ANTXR1: variants seen among roughly 807,000 people sequenced by gnomAD.
ANTXR1 encodes the protein ANTXR cell adhesion molecule 1.
A neutral mutation model predicts 78.1 loss-of-function variants in ANTXR1; 19 were observed. The ratio of observed to expected loss-of-function variants is 0.24; its 90% CI spans 0.17 to 0.36. The LOEUF (loss-of-function observed/expected upper bound fraction) is 0.36, where lower values mean the gene tolerates loss of function less well. Among genes scored for constraint, ANTXR1 ranks in the 10% least tolerant of loss-of-function variants. The pLI is 1.00. For missense variants in ANTXR1, 518 were observed against 718.6 expected, an observed-to-expected ratio of 0.72 and a Z score of 3.19; for synonymous variants, 273 against 260.5, an observed-to-expected ratio of 1.05 and a Z score of -0.46.
chr2:69,204,675 A>G (rs1472806363), intron 17 of ANTXR1, among the ~76,000 whole-genome samples: 1 of 152,172 alleles, frequency 6.6e-6, no homozygotes, highest in Non-Finnish European at 1.5e-5. Flanking sequence ...ACCCCAGGCC[A>G]TGAGAGGAGG....
At chr2:69,143,319 G>A (rs1018504101) in intron 12 of ANTXR1, among the ~76,000 whole-genome samples, 1 of 152,216 alleles carries the variant, frequency 6.6e-6, no homozygotes, top group Non-Finnish European at 1.5e-5. Flanking sequence ...GATGGCACGT[G>A]TCATATTGGG....
At chr2:69,027,536 A>G (rs1671380374) in intron 1 of ANTXR1, among the ~76,000 whole-genome samples, 1 of 152,198 alleles carries the variant, frequency 6.6e-6, no homozygotes, top group African/African-American at 2.4e-5. Context: ...ATGGAACAAC[A>G]ACATGATCTT....
At chr2:69,158,750 C>A (rs1460680893) in intron 13 of ANTXR1, among the ~76,000 whole-genome samples, 3 of 152,196 alleles carry the variant, frequency 2.0e-5, no homozygotes, top group Admixed American at 2.0e-4. Context: ...TGTCAGTGTT[C>A]TGTGAGCACA....
intron 17 of ANTXR1, among the ~76,000 whole-genome samples, chr2:69,210,762 C>G (rs1383014600): frequency 6.6e-6 from 1 of 151,940 alleles, no homozygotes; most frequent in African/African-American, 2.4e-5. Flanking sequence ...ATGGCGAAAC[C>G]CCGTCTCTAA....
intron 17 of ANTXR1, among the ~76,000 whole-genome samples, chr2:69,211,391 C>T (rs1044321536): frequency 6.6e-6 from 1 of 152,208 alleles, no homozygotes; most frequent in African/African-American, 2.4e-5. Flanking sequence ...AGGTGTTGGG[C>T]ACATCTGTGT....
intron 17 of ANTXR1, among the ~76,000 whole-genome samples, chr2:69,229,517 A>G (rs1242187416): frequency 2.0e-5 from 3 of 152,226 alleles, no homozygotes. Context: ...TTCTGGCACC[A>G]ATATTTAAAG....
Position 69,185,244 on chromosome 2 carries a change from TAAG to T in ANTXR1, c.1353+2588_1353+2590del, listed in dbSNP as rs1289728169. On this transcript the variant is annotated intron_variant, in intron 16 of 17. Transcript: ENST00000303714. ...CCATCTGGGTTTTAACAAGCTGAGT[TAAG>T]AAGTTGTCACCAGCTGGGCGCAGTG... 3.3e-5 allele frequency among the ~76,000 whole-genome samples: 5 copies of T among 152,282 alleles called. No individual in the cohort carries two copies. In the East Asian group the frequency reaches 9.6e-4, roughly 29 times the overall value.
chr2:69,174,634 A>AAGAG (rs368930080), intron 14 of ANTXR1, among the ~76,000 whole-genome samples: 2 of 151,638 alleles, frequency 1.3e-5, no homozygotes, highest in Non-Finnish European at 2.9e-5. Context: ...CAAAAAAAAA[A>AAGAG]AGAGAGAGAG....
intron 9 of ANTXR1, among the ~76,000 whole-genome samples, chr2:69,091,592 C>G (rs1671239723): frequency 6.6e-6 from 1 of 151,944 alleles, no homozygotes; most frequent in African/African-American, 2.4e-5. Context: ...CCCTCTTTTT[C>G]ATGAGGCCCT....
chr2:69,124,672 G>T, intron 12 of ANTXR1, 29 bp downstream of exon 12: 1 of 1,607,780 alleles, frequency 6.2e-7, no homozygotes. Context: ...CTTTACTAAA[G>T]ATCTCATTAT....
At chr2:69,121,154 T>TA (rs1297461002) in intron 10 of ANTXR1, among the ~76,000 whole-genome samples, 1 of 152,282 alleles carries the variant, frequency 6.6e-6, no homozygotes, top group Non-Finnish European at 1.5e-5. Context: ...ATCACAATTA[T>TA]AATTACATAA....
At chr2:69,091,980 T>A (rs1321974622) in intron 9 of ANTXR1, among the ~76,000 whole-genome samples, 2 of 152,224 alleles carry the variant, frequency 1.3e-5, no homozygotes, top group African/African-American at 4.8e-5. Context: ...AAAGTATTCT[T>A]AAGTGCCTGC....
At chr2:69,175,416 G>T (rs1674093957) in intron 14 of ANTXR1, among the ~76,000 whole-genome samples, 1 of 135,110 alleles carries the variant, frequency 7.4e-6, no homozygotes, top group African/African-American at 3.9e-5. Context: ...AGACCAGCCT[G>T]GGTAACATAG....
chr2:69,017,546 G>T (rs774273925), intron 1 of ANTXR1, among the ~76,000 whole-genome samples: 1 of 152,110 alleles, frequency 6.6e-6, no homozygotes, highest in Non-Finnish European at 1.5e-5. Context: ...ACATTTAATG[G>T]AACGTCATGT....
chr2:69,166,080 T>C (rs1204367772), intron 13 of ANTXR1, among the ~76,000 whole-genome samples: 5 of 152,246 alleles, frequency 3.3e-5, no homozygotes. Flanking sequence ...CGTACTATGC[T>C]GACTGCATCT....
chr2:69,165,726 G>A (rs562033298), intron 13 of ANTXR1, among the ~76,000 whole-genome samples: 1 of 152,362 alleles, frequency 6.6e-6, no homozygotes, highest in Admixed American at 6.5e-5. Context: ...AGGTGCCCAT[G>A]TTGAGAACTA....
chr2:69,235,971 G>C (rs1655398531), intron 17 of ANTXR1, among the ~76,000 whole-genome samples: 1 of 152,150 alleles, frequency 6.6e-6, no homozygotes, highest in African/African-American at 2.4e-5. Context: ...GGCGACAGGT[G>C]AGAAAGCATG....
intron 3 of ANTXR1, among the ~76,000 whole-genome samples, chr2:69,055,084 A>T (rs1670031305): frequency 6.6e-6 from 1 of 152,172 alleles, no homozygotes; most frequent in African/African-American, 2.4e-5. Context: ...GTAAGTGCTC[A>T]ATTAACCTTA....
At chr2:69,054,378 T>A (rs6740665) in intron 3 of ANTXR1, among the ~76,000 whole-genome samples, 2,085 of 152,254 alleles carry the variant, frequency 0.014, 47 homozygotes, top group African/African-American at 0.046. Context: ...CCCTCTGACA[T>A]CTTTAAGAAA....
Sources: allele counts gnomAD v4.1 joint callset (sites outside exome capture counted in the v4.1 genomes callset), GRCh38; gene constraint gnomAD v4.1.1; transcripts MANE v1.5; gene names NCBI Gene and HGNC (gene_info 2026-07-23, HGNC 2026-07-21).